The following FASTKD2 variants were observed in gnomAD, a reference collection of about 807,000 sequenced individuals.
FASTKD2 encodes the protein FAST kinase domain-containing protein 2, mitochondrial.
FASTKD2 carries 51 observed loss-of-function variants against 63.6 expected under a neutral mutation model. The observed-to-expected ratio is 0.80, with a 90% confidence interval of 0.64 to 1.01. The LOEUF (loss-of-function observed/expected upper bound fraction) is 1.01. FASTKD2 is among the 50% of genes least tolerant of loss of function. The probability of loss-of-function intolerance (pLI) is 0.00; values close to 1 mark genes in which losing one functional copy is unlikely to be tolerated. For synonymous variants in FASTKD2, 284 were observed against 293.4 expected (o/e 0.97, Z 0.33); for missense variants, 786 against 831.1 (o/e 0.95, Z 0.67).
At chr2:206,778,287 A>T (rs1027074294) in intron 7 of FASTKD2, among the ~76,000 whole-genome samples, 1 of 151,580 alleles carries the variant, frequency 6.6e-6, no homozygotes, top group African/African-American at 2.4e-5. Context: ...GTTTATTGCT[A>T]TAAGTTTTCT....
intron 6 of FASTKD2, among the ~76,000 whole-genome samples, chr2:206,773,429 T>G (rs1305356420): frequency 2.0e-5 from 3 of 152,124 alleles, no homozygotes; most frequent in Non-Finnish European, 4.4e-5. Flanking sequence ...ATGGGTGATG[T>G]GACAGGCTTG....
At chr2:206,781,858 T>C (rs1176494551) in intron 7 of FASTKD2, among the ~76,000 whole-genome samples, 1 of 151,940 alleles carries the variant, frequency 6.6e-6, no homozygotes, top group Admixed American at 6.6e-5. Flanking sequence ...TCCTGAGCAT[T>C]CAAACTATGC....
intron 2 of FASTKD2, among the ~76,000 whole-genome samples, chr2:206,769,243 CT>C (rs1689603628): frequency 6.6e-6 from 1 of 152,208 alleles, no homozygotes; most frequent in Non-Finnish European, 1.5e-5. Context: ...TAAGGAAACC[CT>C]TTCATAGGAA....
At position 206,766,887 on chromosome 2, in the gene FASTKD2, A is replaced by G. The variant is rs1017559758; in HGVS notation, c.194A>G (p.His65Arg). ...HSNWNILNNF[H>R]NRMQSTDIIR... is the part of the protein sequence containing the mutation. ...AACTGGAACATTTTAAATAACTTTC[A>G]TAACAGAATGCAATCAACTGATATC... The change falls in exon 2 of 12, where the codon CAT (histidine) becomes CGT (arginine). Residue 65 changes from histidine (H) to arginine (R), a missense_variant. Physicochemically the swap from His to Arg is conservative, Grantham distance 29. Coordinates refer to ENST00000402774, the MANE Select transcript of FASTKD2 (RefSeq NM_001136193.2). 1 of 1,599,744 alleles carries G rather than the reference A, an allele frequency of 6.3e-7. No homozygotes were observed. The highest frequency in any genetic ancestry group is 1.1e-5 in the South Asian group (1 of 88,810).
At chr2:206,766,256 T>C (rs1399693870) in intron 1 of FASTKD2, among the ~76,000 whole-genome samples, 1 of 85,892 alleles carries the variant, frequency 1.2e-5, no homozygotes, top group Non-Finnish European at 2.1e-5. Flanking sequence ...CAAGACTTTG[T>C]CTCAAAAAAA....
Position 206,796,062 on chromosome 2 carries a change from C to T in FASTKD2, c.*4260C>T, listed in dbSNP as rs554903139. 2.0e-4 allele frequency among the ~76,000 whole-genome samples: 31 copies of T among 152,276 alleles called. No individual in the cohort carries two copies. Among genetic ancestry groups the T allele is most frequent in the African/African-American group, 6.7e-4 (28 of 41,554 alleles). ...GCATGGCCAGAAACTAACAAAAGCA[C>T]ATTGTGTCTAAACTAGGTTGCAGTG... On this transcript the variant is annotated 3_prime_UTR_variant, in exon 12 of 12. Transcript: ENST00000402774.
Position 206,795,252 on chromosome 2 carries a change from G to C in FASTKD2, c.*3450G>C, listed in dbSNP as rs141681457. Among the ~76,000 whole-genome samples, 4,394 of 151,928 alleles carry C rather than the reference G, an allele frequency of 0.029. 86 individuals are homozygous for C. The highest frequency in any genetic ancestry group is 0.042 in the Non-Finnish European group (2,855 of 67,912). On this transcript the variant is annotated 3_prime_UTR_variant, in exon 12 of 12. Transcript: ENST00000402774. ...AGATGGCTATCTCTTTTTTTTTCCT[G>C]AGACGGAGTCGTGGTCTGTCGCCCA... is the stretch of plus-strand genomic sequence containing the variant.
intron 7 of FASTKD2, among the ~76,000 whole-genome samples, chr2:206,776,417 G>T (rs1689826287): frequency 6.6e-6 from 1 of 151,600 alleles, no homozygotes; most frequent in Non-Finnish European, 1.5e-5. Context: ...CTGCACTTTT[G>T]GTATCATATA....
At chr2:206,791,542 T>C (rs1690285724) in intron 11 of FASTKD2, 141 bp from the exon 12 acceptor site, 1 of 733,828 alleles carries the variant, frequency 1.4e-6, no homozygotes, top group Non-Finnish European at 2.4e-6. Context: ...ATTATGCCTT[T>C]AAAATATGAG....
chr2:206,783,676 A>C (rs906254311), intron 7 of FASTKD2, among the ~76,000 whole-genome samples: 1 of 152,224 alleles, frequency 6.6e-6, no homozygotes, highest in Non-Finnish European at 1.5e-5. Flanking sequence ...AAATTGTTAC[A>C]TTGAAAATAG....
intron 6 of FASTKD2, among the ~76,000 whole-genome samples, chr2:206,773,283 C>G (rs1467763286): frequency 1.4e-5 from 2 of 146,200 alleles, no homozygotes. Context: ...CCACTGTACT[C>G]CAGCCTGGGC....
At chr2:206,774,978 T>C (rs181052041) in intron 7 of FASTKD2, among the ~76,000 whole-genome samples, 407 of 152,208 alleles carry the variant, frequency 2.7e-3, no homozygotes, top group Admixed American at 4.4e-3. Context: ...TTAGATACTT[T>C]ATATAAGTGG....
intron 3 of FASTKD2, 23 bp from the exon 4 acceptor site, chr2:206,771,159 A>G (rs759087735): frequency 1.2e-5 from 16 of 1,310,930 alleles, no homozygotes; most frequent in African/African-American, 2.9e-5. Context: ...TATGATTTTA[A>G]TATTTATTGT....
At chr2:206,784,417 G>A (rs1690080011) in intron 7 of FASTKD2, among the ~76,000 whole-genome samples, 1 of 152,212 alleles carries the variant, frequency 6.6e-6, no homozygotes, top group African/African-American at 2.4e-5. Context: ...CTGGCTTATT[G>A]TATACCCACA....
chr2:206,788,773 ACTTG>A (rs752652581), intron 9 of FASTKD2, 42 bp from the exon 10 acceptor site: 1 of 930,484 alleles, frequency 1.1e-6, no homozygotes, highest in Non-Finnish European at 1.7e-6. Flanking sequence ...AAAGAAAGTC[ACTTG>A]GAGGAATGTT....
In FASTKD2 at chr2:206,795,781, CAG is replaced by C. The variant is rs1488052327; in HGVS notation, c.*3983_*3984del. On this transcript the variant is annotated 3_prime_UTR_variant, in exon 12 of 12. Coordinates refer to ENST00000402774, the MANE Select transcript of FASTKD2 (RefSeq NM_001136193.2). ...TTTTATTTTTCTAGAAGAGCAATAACAGAGACCCCAGGGTGTGGTGTGGCAGG... is the reference window on the plus strand; with the variant it reads ...TTTTATTTTTCTAGAAGAGCAATAACAGACCCCAGGGTGTGGTGTGGCAGG... 2.0e-5 allele frequency among the ~76,000 whole-genome samples: 3 copies of C among 152,194 alleles called. No individual in the cohort carries two copies. The highest frequency in any genetic ancestry group is 6.5e-5 in the Admixed American group (1 of 15,278).
In FASTKD2 at chr2:206,791,889, A is replaced by G. The variant is rs115098389; in HGVS notation, c.*87A>G. On this transcript the variant is annotated 3_prime_UTR_variant, in exon 12 of 12. Transcript: ENST00000402774. The stretch of plus-strand genomic sequence containing the variant: ...AGTCAGTTGTCAATGGAATTGAGCT[A>G]TCTGCTAAGACAAAAAATGTTACCT... 0.037 allele frequency: 46,078 copies of G among 1,253,914 alleles called. 988 individuals are homozygous for G. The highest frequency in any genetic ancestry group is 0.044 in the Non-Finnish European group (38,605 of 878,512). The allele number at this position is 1,253,914 out of a possible 1,614,324, so 77.7% of individuals were successfully genotyped here.
At chr2:206,784,402 G>C (rs1240834803) in intron 7 of FASTKD2, among the ~76,000 whole-genome samples, 1 of 152,214 alleles carries the variant, frequency 6.6e-6, no homozygotes, top group Non-Finnish European at 1.5e-5. Flanking sequence ...AGAGTGGTAG[G>C]AATTCTGGCT....
intron 7 of FASTKD2, among the ~76,000 whole-genome samples, chr2:206,774,875 A>G (rs1689781260): frequency 6.6e-6 from 1 of 151,934 alleles, no homozygotes; most frequent in Non-Finnish European, 1.5e-5. Flanking sequence ...CATAACTGAA[A>G]CTTTATACCT....
Sources: gnomAD v4.1 joint callset for allele counts (sites outside exome capture counted in the v4.1 genomes callset) on GRCh38, gnomAD v4.1.1 for gene constraint, MANE v1.5 for transcripts, NCBI Gene and HGNC (gene_info 2026-07-23, HGNC 2026-07-21) for gene names.